PLEKHG1: variants seen among roughly 807,000 people sequenced by gnomAD.
PLEKHG1 encodes pleckstrin homology domain-containing family G member 1.
A neutral mutation model predicts 100.8 loss-of-function variants in PLEKHG1; 44 were observed. That is an observed-to-expected ratio of 0.44 (90% CI 0.34 to 0.56). The LOEUF (loss-of-function observed/expected upper bound fraction) is 0.56, where lower values mean the gene tolerates loss of function less well. Ranked by LOEUF, PLEKHG1 falls within the 20% of genes least tolerant of loss-of-function variation. PLEKHG1 has a pLI of 0.01. For missense variants in PLEKHG1, 1,545 were observed against 1,720.9 expected, an observed-to-expected ratio of 0.90 and a Z score of 1.81; for synonymous variants, 640 against 662.5, an observed-to-expected ratio of 0.97 and a Z score of 0.52.
chr6:150,666,365 C>T (rs1779394769), intron 3 of PLEKHG1, among the ~76,000 whole-genome samples: 2 of 152,188 alleles, frequency 1.3e-5, no homozygotes, highest in African/African-American at 4.8e-5. Flanking sequence ...CACTGTCTCC[C>T]ACCCTCAAGG....
intron 10 of PLEKHG1, among the ~76,000 whole-genome samples, chr6:150,817,627 G>A (rs1776051463): frequency 1.4e-5 from 2 of 147,146 alleles, no homozygotes; most frequent in African/African-American, 2.5e-5. Context: ...GCTCAATCTC[G>A]GCTCACTGCA....
At chr6:150,662,028 A>G (rs1382394098) in intron 3 of PLEKHG1, among the ~76,000 whole-genome samples, 2 of 152,088 alleles carry the variant, frequency 1.3e-5, no homozygotes, top group African/African-American at 4.8e-5. Flanking sequence ...GAGGGAGGGG[A>G]GGGAGAGGCG....
chr6:150,758,919 CT>C (rs1784000393), intron 2 of PLEKHG1, among the ~76,000 whole-genome samples: 1 of 152,182 alleles, frequency 6.6e-6, no homozygotes, highest in Non-Finnish European at 1.5e-5. Context: ...CTAAAACACC[CT>C]GCTTTCCAGG....
At chr6:150,687,113 C>A (rs1440073103) in intron 3 of PLEKHG1, 1 of 152,548 alleles carries the variant, frequency 6.6e-6, no homozygotes, top group African/African-American at 2.4e-5. Flanking sequence ...TGTTTTTTTC[C>A]TCAGGTTATC....
chr6:150,842,285 G>C (rs893115522), exon 16 of PLEKHG1: 5 of 152,188 alleles, frequency 3.3e-5, no homozygotes, highest in African/African-American at 1.2e-4. Flanking sequence ...TTAATCAGGT[G>C]TACATTCTAT....
intron 1 of PLEKHG1, among the ~76,000 whole-genome samples, chr6:150,613,634 C>T (rs1421708184): frequency 1.3e-5 from 2 of 152,232 alleles, no homozygotes; most frequent in Non-Finnish European, 2.9e-5. Context: ...CCCATACCCT[C>T]CTGGCTTCTG....
At chr6:150,651,934 G>A (rs1433058375) in intron 3 of PLEKHG1, 1 of 152,022 alleles carries the variant, frequency 6.6e-6, no homozygotes, top group Non-Finnish European at 1.5e-5. Flanking sequence ...AAAAATTAAA[G>A]AAAATGCGTA....
At chr6:150,695,062 G>A (rs1291545912) in intron 3 of PLEKHG1, among the ~76,000 whole-genome samples, 1 of 152,188 alleles carries the variant, frequency 6.6e-6, no homozygotes, top group East Asian at 1.9e-4. Context: ...TGTCAGTCTT[G>A]ATATCATAGT....
chr6:150,605,318 G>A (rs535212612), intron 1 of PLEKHG1, among the ~76,000 whole-genome samples: 5 of 152,302 alleles, frequency 3.3e-5, no homozygotes, highest in East Asian at 3.9e-4. Flanking sequence ...GAGTACATAC[G>A]TGTATGGGCT....
At position 150,825,342 on chromosome 6, in the gene PLEKHG1, A is replaced by G. The variant is rs190180070; in HGVS notation, c.1470+1666A>G. ...TGTAATCCTAGCACTTTGGGAGGCCAAGGTTGGCAGATCACTTTGAGCTCA... is the reference window on the plus strand; with the variant it reads ...TGTAATCCTAGCACTTTGGGAGGCCGAGGTTGGCAGATCACTTTGAGCTCA... On this transcript the variant is annotated intron_variant, in intron 14 of 15. Coordinates refer to ENST00000358517, the Ensembl canonical transcript of PLEKHG1. Among the ~76,000 whole-genome samples the G allele has an allele frequency of 1.7e-3, 254 of 152,176 alleles. 1 individual carries two copies. The highest frequency in any genetic ancestry group is 6.0e-3 in the African/African-American group (249 of 41,500).
At chr6:150,725,690 G>C (rs556739347) in intron 1 of PLEKHG1, among the ~76,000 whole-genome samples, 28 of 149,700 alleles carry the variant, frequency 1.9e-4, no homozygotes, top group Non-Finnish European at 3.1e-4. Context: ...GTTGTTGCCT[G>C]TGCTTTTGGT....
chr6:150,710,294 A>G lies in PLEKHG1; in HGVS notation c.-98-23290A>G, dbSNP rs903526877. 3.9e-5 allele frequency among the ~76,000 whole-genome samples: 6 copies of G among 152,334 alleles called. No homozygotes were observed. The East Asian group carries it at 1.2e-3, about 29-fold the overall frequency. On this transcript the variant is annotated intron_variant, in intron 3 of 3. Coordinates refer to the PLEKHG1 transcript ENST00000367326. ...GGCCCCTGGAAGTAGCCAGACAAAC[A>G]GTGGCCTGACCACTGCCCCCAGCCG... is the stretch of plus-strand genomic sequence containing the variant.
At chr6:150,809,354 T>A in intron 8 of PLEKHG1, 27 bp from the exon 10 acceptor site, 1 of 1,609,830 alleles carries the variant, frequency 6.2e-7, no homozygotes, top group Non-Finnish European at 8.5e-7. Context: ...TGAGTGTGCC[T>A]CACCCTCTCT....
At chr6:150,780,915 C>G (rs980124001) in intron 3 of PLEKHG1, among the ~76,000 whole-genome samples, 22 of 151,820 alleles carry the variant, frequency 1.4e-4, no homozygotes, top group Admixed American at 2.0e-4. Context: ...ACTCTGTCAC[C>G]CAGGCTGGAG....
At chr6:150,654,645 T>A (rs1412101662) in intron 3 of PLEKHG1, among the ~76,000 whole-genome samples, 1 of 152,260 alleles carries the variant, frequency 6.6e-6, no homozygotes, top group Non-Finnish European at 1.5e-5. Context: ...GGCGAAGGCA[T>A]GCTCAAGAAG....
At chr6:150,804,477 AC>A in intron 6 of PLEKHG1, 132 bp from the exon 8 acceptor site, 1 of 688,094 alleles carries the variant, frequency 1.5e-6, no homozygotes, top group Non-Finnish European at 2.2e-6. Flanking sequence ...GAGCCACCGC[AC>A]CCAGCTGATA....
intron 3 of PLEKHG1, among the ~76,000 whole-genome samples, chr6:150,661,488 A>G (rs994361678): frequency 2.6e-5 from 4 of 152,196 alleles, no homozygotes; most frequent in African/African-American, 7.2e-5. Context: ...ACATAAAGCT[A>G]TGCATGTGAA....
chr6:150,711,373 T>C lies in PLEKHG1; in HGVS notation c.-98-22211T>C, dbSNP rs1008029735. Among the ~76,000 whole-genome samples the C allele has an allele frequency of 5.3e-5, 8 of 152,240 alleles. No individual in the cohort carries two copies. In the South Asian group the frequency reaches 1.2e-3, roughly 24 times the overall value. On this transcript the variant is annotated intron_variant, in intron 3 of 3. Coordinates refer to the PLEKHG1 transcript ENST00000367326. Reference sequence around the variant, plus strand: ...TATTCCATCAGTAGTTGAACAAAGATGCAAATAAATATGGGAAACTGATAG... The same window carrying C: ...TATTCCATCAGTAGTTGAACAAAGACGCAAATAAATATGGGAAACTGATAG...
chr6:150,828,505 C>T (rs936147707), intron 14 of PLEKHG1: 16 of 840,400 alleles, frequency 1.9e-5, no homozygotes, highest in Non-Finnish European at 2.8e-5. Context: ...TGTTTCAAAT[C>T]TTTACATTTT....
Sources: gnomAD v4.1 joint callset for allele counts (sites outside exome capture counted in the v4.1 genomes callset) on GRCh38, gnomAD v4.1.1 for gene constraint, MANE v1.5 for transcripts, NCBI Gene and HGNC (gene_info 2026-07-23, HGNC 2026-07-21) for gene names.